The following ROBO2 variants were observed in gnomAD, a reference collection of about 807,000 sequenced individuals.
The protein encoded by ROBO2 is roundabout guidance receptor 2.
A neutral mutation model predicts 160.8 loss-of-function variants in ROBO2; 53 were observed. That is an observed-to-expected ratio of 0.33 (90% CI 0.26 to 0.41). The LOEUF (loss-of-function observed/expected upper bound fraction) is 0.41, where lower values mean the gene tolerates loss of function less well. Among genes scored for constraint, ROBO2 ranks in the 10% least tolerant of loss-of-function variants. The probability of loss-of-function intolerance (pLI) is 1.00; values close to 1 mark genes in which losing one functional copy is unlikely to be tolerated. For synonymous variants in ROBO2, 664 were observed against 611.7 expected, an observed-to-expected ratio of 1.09 and a Z score of -1.26; for missense variants, 1,577 against 1,722.4, an observed-to-expected ratio of 0.92 and a Z score of 1.49.
At chr3:75,910,434 A>G (rs1946525214) in intron 1 of ROBO2, among the ~76,000 whole-genome samples, 1 of 152,186 alleles carries the variant, frequency 6.6e-6, no homozygotes. Flanking sequence ...TCTTAAAAGT[A>G]CCATGTTCAT....
At chr3:76,918,537 A>G (rs1336828825) in intron 2 of ROBO2, among the ~76,000 whole-genome samples, 1 of 152,236 alleles carries the variant, frequency 6.6e-6, no homozygotes, top group Non-Finnish European at 1.5e-5. Context: ...TAAACTGTCA[A>G]CTTGCAAAAA....
chr3:76,456,180 G>A (rs1041695461), intron 2 of ROBO2, among the ~76,000 whole-genome samples: 5 of 152,110 alleles, frequency 3.3e-5, no homozygotes, highest in African/African-American at 4.8e-5. Flanking sequence ...CTTGCCAATT[G>A]CAATACCATA....
At chr3:75,916,776 G>C (rs1946827339) in intron 1 of ROBO2, among the ~76,000 whole-genome samples, 1 of 151,056 alleles carries the variant, frequency 6.6e-6, no homozygotes, top group Non-Finnish European at 1.5e-5. Context: ...AAAAACACCT[G>C]TAAATGAATA....
chr3:77,369,190 A>T (rs2071387498), intron 2 of ROBO2, among the ~76,000 whole-genome samples: 1 of 152,042 alleles, frequency 6.6e-6, no homozygotes, highest in South Asian at 2.1e-4. Context: ...TGTGCTTCAC[A>T]CTCTTCAGTC....
chr3:77,134,761 G>A (rs528896033), intron 2 of ROBO2, among the ~76,000 whole-genome samples: 2 of 152,254 alleles, frequency 1.3e-5, no homozygotes, highest in East Asian at 3.9e-4. Context: ...GAAGACAAAG[G>A]AAAAGATTGT....
At chr3:77,376,642 A>G (rs1468181052) in intron 2 of ROBO2, among the ~76,000 whole-genome samples, 1 of 152,100 alleles carries the variant, frequency 6.6e-6, no homozygotes, top group Non-Finnish European at 1.5e-5. Flanking sequence ...TCCTTCTTGT[A>G]TATGCTTAGA....
chr3:76,127,011 G>C (rs994964965), intron 2 of ROBO2, among the ~76,000 whole-genome samples: 2 of 152,082 alleles, frequency 1.3e-5, no homozygotes, highest in African/African-American at 4.8e-5. Context: ...GTATTATTAA[G>C]GGTAAGATAT....
At chr3:77,079,016 T>A (rs2068327307) in intron 1 of ROBO2, among the ~76,000 whole-genome samples, 1 of 152,170 alleles carries the variant, frequency 6.6e-6, no homozygotes, top group Non-Finnish European at 1.5e-5. Flanking sequence ...CGATCTCGGC[T>A]CACTGCAACC....
chr3:76,669,819 T>A (rs1475005678), intron 2 of ROBO2, among the ~76,000 whole-genome samples: 1 of 152,226 alleles, frequency 6.6e-6, no homozygotes, highest in East Asian at 1.9e-4. Flanking sequence ...TTTGTTTCCA[T>A]CAATACGTTA....
intron 2 of ROBO2, among the ~76,000 whole-genome samples, chr3:76,094,199 A>G (rs1026058923): frequency 7.9e-5 from 12 of 152,058 alleles, no homozygotes; most frequent in Non-Finnish European, 1.0e-4. Flanking sequence ...ACCCCTCAGA[A>G]AGTCTGAAAG....
intron 2 of ROBO2, among the ~76,000 whole-genome samples, chr3:77,217,579 A>G (rs975159231): frequency 2.0e-5 from 3 of 152,164 alleles, no homozygotes; most frequent in Non-Finnish European, 4.4e-5. Flanking sequence ...ATAGTTCTTT[A>G]TTTTGTCCTA....
chr3:75,911,036 A>ATT (rs141969770), intron 1 of ROBO2, among the ~76,000 whole-genome samples: 2 of 149,086 alleles, frequency 1.3e-5, no homozygotes, highest in African/African-American at 4.9e-5. Flanking sequence ...AAACAATGCA[A>ATT]TTTTTTTTTT....
At chr3:77,253,005 C>G (rs1473861900) in intron 2 of ROBO2, among the ~76,000 whole-genome samples, 1 of 151,124 alleles carries the variant, frequency 6.6e-6, no homozygotes, top group Non-Finnish European at 1.5e-5. Flanking sequence ...CCAAAGTTAA[C>G]ATTACAGGTA....
intron 5 of ROBO2, among the ~76,000 whole-genome samples, chr3:77,498,514 A>G (rs2087096796): frequency 6.6e-6 from 1 of 152,194 alleles, no homozygotes; most frequent in African/African-American, 2.4e-5. Flanking sequence ...CTATTTTAAG[A>G]GAGAATTTTC....
intron 2 of ROBO2, among the ~76,000 whole-genome samples, chr3:76,260,036 AGGT>A (rs1706646687): frequency 6.6e-6 from 1 of 152,164 alleles, no homozygotes; most frequent in African/African-American, 2.4e-5. Context: ...ATAAATGACA[AGGT>A]TATTCTGGAT....
chr3:76,845,147 A>G (rs2068657153), intron 2 of ROBO2, among the ~76,000 whole-genome samples: 1 of 151,994 alleles, frequency 6.6e-6, no homozygotes, highest in African/African-American at 2.4e-5. Context: ...ACCGTGGTTA[A>G]AAAGGATAAC....
At position 77,514,953 on chromosome 3, in the gene ROBO2, G is replaced by A. The variant is rs940062244; in HGVS notation, c.807-7822G>A. On this transcript the variant is annotated intron_variant, in intron 5 of 25. Transcript: ENST00000461745. Reference sequence around the variant, plus strand: ...AGACTGGTAGTAGATAGTCACAAGAGTTTTTTCCCCAACTATAACTGCCTC... The same window carrying A: ...AGACTGGTAGTAGATAGTCACAAGAATTTTTTCCCCAACTATAACTGCCTC... 3.3e-5 allele frequency among the ~76,000 whole-genome samples: 5 copies of A among 151,736 alleles called. 1 individual carries two copies. Among genetic ancestry groups the A allele is most frequent in the South Asian group, 4.2e-4 (2 of 4,818 alleles).
At chr3:76,108,733 T>C (rs1324827232) in intron 2 of ROBO2, among the ~76,000 whole-genome samples, 1 of 151,394 alleles carries the variant, frequency 6.6e-6, no homozygotes, top group Non-Finnish European at 1.5e-5. Flanking sequence ...CAAATTACTA[T>C]GTATTACCAA....
At chr3:76,132,812 TAAG>T (rs1259376822) in intron 2 of ROBO2, among the ~76,000 whole-genome samples, 1 of 152,082 alleles carries the variant, frequency 6.6e-6, no homozygotes, top group African/African-American at 2.4e-5. Context: ...TATATGTGAA[TAAG>T]AAGAGACAAG....
Sources: gnomAD v4.1 joint callset for allele counts (sites outside exome capture counted in the v4.1 genomes callset) on GRCh38, gnomAD v4.1.1 for gene constraint, MANE v1.5 for transcripts, NCBI Gene and HGNC (gene_info 2026-07-23, HGNC 2026-07-21) for gene names.